The following GPKOW variants were observed in gnomAD, a reference collection of about 807,000 sequenced individuals.
The protein encoded by GPKOW is G-patch domain and KOW motifs.
For synonymous variants in GPKOW, 167 were observed against 159.1 expected (o/e 1.05, Z -0.37); for missense variants, 359 against 404.7 (o/e 0.89, Z 0.97).
chrX:49,116,360 G>A (rs1227087607), intron 6 of GPKOW, 37 bp from the exon 7 acceptor site: 4 of 883,172 alleles, frequency 4.5e-6, no homozygotes, highest in Non-Finnish European at 5.0e-6. Flanking sequence ...GCCTGTTCAA[G>A]AGGTTATGAG....
intron 9 of GPKOW, among the ~76,000 whole-genome samples, chrX:49,114,772 A>C (rs1226584574): frequency 9.4e-6 from 1 of 106,225 alleles, no homozygotes; most frequent in Admixed American, 1.0e-4. Context: ...TAAAAATACC[A>C]AAATTAGCTG....
rs148811432 is a variant in GPKOW at position 49,116,005 on chromosome X, C to G, written c.1026G>C (p.Gly342=). 2.5e-6 allele frequency: 3 copies of G among 1,210,079 alleles called. No homozygotes were observed. The African/African-American group carries it at 5.2e-5, about 21-fold the overall frequency. The change falls in exon 8 of 11, where the codon GGG becomes GGC. Residue 342 remains glycine (G), a synonymous_variant. Coordinates refer to ENST00000156109, the MANE Select transcript of GPKOW (RefSeq NM_015698.6). The part of the protein sequence containing the change: ...KRKHLPDRQD[G]PAAKSEKAAP... ...CTGCTTTCTCACTCTTGGCTGCAGG[C>G]CCATCCTGTCTGTGGAGAAGGTGCC...
Position 49,120,661 on chromosome X carries a change from G to A in GPKOW, c.457-847C>T, listed in dbSNP as rs1332349570. Among the ~76,000 whole-genome samples the A allele has an allele frequency of 1.6e-4, 18 of 109,930 alleles. No homozygotes were observed. In the Admixed American group the frequency reaches 1.8e-3, roughly 11 times the overall value. On this transcript the variant is annotated intron_variant, in intron 3 of 10. Transcript: ENST00000156109. ...GAGAGGAATTGAGGATGACTCCAAG[G>A]TTTTCTTTTTTTTTTTTCTTGAGAT... is the stretch of plus-strand genomic sequence containing the variant.
At position 49,117,587 on chromosome X, in the gene GPKOW, G is replaced by C; in HGVS notation, c.780+10C>G. ...CTGTTTTGGGCTCCCGGGATATCTT[G>C]GTTCCTTACCTTCCCATAGAGGCCT... On this transcript the variant is annotated intron_variant, in intron 5 of 10. Coordinates refer to ENST00000156109, the MANE Select transcript of GPKOW (RefSeq NM_015698.6). 8.5e-7 allele frequency: 1 copy of C among 1,178,133 alleles called. No individual in the cohort carries two copies. Among genetic ancestry groups the C allele is most frequent in the Non-Finnish European group, 1.2e-6 (1 of 865,202 alleles).
rs1557089685 is a variant in GPKOW, at chrX:49,113,713, A to T, written c.1339T>A (p.Leu447Met). 1 of 1,208,163 alleles carries T rather than the reference A, an allele frequency of 8.3e-7. No homozygotes were observed. The highest frequency in any genetic ancestry group is 1.1e-6 in the Non-Finnish European group (1 of 893,518). Reference protein sequence around the residue: ...LSRDRARSRALVQLPRENQVV... With the variant: ...LSRDRARSRAMVQLPRENQVV... ...TGATTTTCTCTTGGCAGTTGCACCA[A>T]AGCCCGGCTCCGTGCTCTGTCCCGG... Residue 447 changes from leucine to methionine, a missense_variant, in exon 11 of 11, where the codon TTG becomes ATG. Transcript: ENST00000156109.
Position 49,119,710 on chromosome X carries a change from G to A in GPKOW, c.561C>T (p.Phe187=), listed in dbSNP as rs782050485. The A allele has an allele frequency of 1.1e-5, 13 of 1,155,792 alleles. No individual in the cohort carries two copies. The East Asian group carries it at 3.9e-4, about 35-fold the overall frequency. ...WKPGEGIGRT[F]NQVVKPRVNS... ...GACCCTATCCCAGAACTCACTGATT[G>A]AAGGTGCGGCCGATGCCCTCGCCAG... The change falls in exon 4 of 11, where the codon TTC becomes TTT. Residue 187 remains phenylalanine (F), a synonymous_variant. Coordinates refer to ENST00000156109, the MANE Select transcript of GPKOW (RefSeq NM_015698.6).
At chrX:49,121,884 T>C (rs2065214201) in intron 3 of GPKOW, among the ~76,000 whole-genome samples, 2 of 111,894 alleles carry the variant, frequency 1.8e-5, no homozygotes, top group Admixed American at 1.9e-4. Context: ...TCCCCTTGCT[T>C]CCACCTTCAC....
chrX:49,113,452 G>A lies in GPKOW; in HGVS notation c.*169C>T. 2.2e-6 allele frequency: 1 copy of A among 463,692 alleles called. No individual in the cohort carries two copies. Among genetic ancestry groups the A allele is most frequent in the Non-Finnish European group, 3.7e-6 (1 of 270,083 alleles). 38.2% of individuals were successfully genotyped at this position (463,692 alleles called of 1,213,427 possible). A position where few individuals can be genotyped will look rare whatever the true frequency, so the allele number is the denominator to read the frequency against. ...ATACCCTAAATTTTGGTAAATATTGGGTTTGTTTCTAGCTTCCCTACTGGT... is the reference window on the plus strand; with the variant it reads ...ATACCCTAAATTTTGGTAAATATTGAGTTTGTTTCTAGCTTCCCTACTGGT... On this transcript the variant is annotated 3_prime_UTR_variant, in exon 11 of 11. Coordinates refer to ENST00000156109, the MANE Select transcript of GPKOW (RefSeq NM_015698.6).
chrX:49,120,666 C>A (rs782690644), intron 3 of GPKOW, among the ~76,000 whole-genome samples: 2 of 102,871 alleles, frequency 1.9e-5, no homozygotes, highest in Admixed American at 2.1e-4. Context: ...CCAAGGTTTT[C>A]TTTTTTTTTT....
At chrX:49,117,510 C>T in intron 5 of GPKOW, 87 bp downstream of exon 5, 3 of 709,178 alleles carry the variant, frequency 4.2e-6, no homozygotes, top group Non-Finnish European at 6.6e-6. Context: ...GCCTTTCTAC[C>T]TCAAATCCAA....
At chrX:49,121,309 T>C (rs2065212246) in intron 3 of GPKOW, among the ~76,000 whole-genome samples, 1 of 110,185 alleles carries the variant, frequency 9.1e-6, no homozygotes, top group African/African-American at 3.3e-5. Context: ...GTGTCTGTAA[T>C]CCCAGCTACT....
Position 49,117,655 on chromosome X carries a change from A to G in GPKOW, c.722T>C (p.Leu241Pro). The change falls in exon 5 of 11, where the codon CTG (leucine) becomes CCG (proline). Residue 241 changes from leucine to proline, a missense_variant. Transcript: ENST00000156109. ...EKDKEDQPQGLVPGGAVVVLS... is the reference protein window; with the variant it reads ...EKDKEDQPQGPVPGGAVVVLS... ...AACCACCACAGCTCCTCCAGGCACC[A>G]GCCCTTGAGGCTGATCTTCCTTATC... is the stretch of plus-strand genomic sequence containing the variant. 8.3e-7 allele frequency: 1 copy of G among 1,210,830 alleles called. No individual in the cohort carries two copies. Among genetic ancestry groups the G allele is most frequent in the Non-Finnish European group, 1.1e-6 (1 of 894,529 alleles).
At chrX:49,116,167 G>C (rs1557090221) in intron 7 of GPKOW, 54 bp downstream of exon 7, 3 of 1,096,560 alleles carry the variant, frequency 2.7e-6, no homozygotes, top group Non-Finnish European at 3.8e-6. Flanking sequence ...CTGGCTGCTC[G>C]AGCCTACCCA....
intron 9 of GPKOW, among the ~76,000 whole-genome samples, chrX:49,114,755 T>C (rs1032133145): frequency 9.6e-6 from 1 of 104,648 alleles, no homozygotes; most frequent in Admixed American, 1.0e-4. Flanking sequence ...TGAAAACCTG[T>C]CTCTATTAAA....
chrX:49,118,347 T>C (rs1165691800), intron 4 of GPKOW, among the ~76,000 whole-genome samples: 2 of 111,846 alleles, frequency 1.8e-5, no homozygotes, highest in African/African-American at 6.5e-5. Flanking sequence ...ACATAATATC[T>C]ACAGTGAGAT....
At chrX:49,123,256 C>G (rs1250918680) in intron 1 of GPKOW, among the ~76,000 whole-genome samples, 1 of 111,575 alleles carries the variant, frequency 9.0e-6, no homozygotes, top group African/African-American at 3.3e-5. Flanking sequence ...ACTAGCAGGT[C>G]CTGTCATTTT....
chrX:49,120,594 T>C lies in GPKOW; in HGVS notation c.457-780A>G, dbSNP rs1219692731. Among the ~76,000 whole-genome samples, 3 of 110,811 alleles carry C rather than the reference T, an allele frequency of 2.7e-5. No individual in the cohort carries two copies. The East Asian group carries it at 8.4e-4, about 31-fold the overall frequency. On this transcript the variant is annotated intron_variant, in intron 3 of 10. Transcript: ENST00000156109. Reference sequence around the variant, plus strand: ...TTCTGGGTGTCATTTTGAAAAAAGATGATAGGATTGTGCTGGCATATTGTA... The same window carrying C: ...TTCTGGGTGTCATTTTGAAAAAAGACGATAGGATTGTGCTGGCATATTGTA...
rs782776441 is a variant in GPKOW at position 49,115,739 on chromosome X, G to T, written c.1197C>A (p.Gly399=). The T allele has an allele frequency of 8.3e-7, 1 of 1,206,293 alleles. No homozygotes were observed. The highest frequency in any genetic ancestry group is 1.7e-5 in the African/African-American group (1 of 57,560). Residue 399 remains glycine, a synonymous_variant, in exon 9 of 11, where the codon GGC becomes GGA. Coordinates refer to ENST00000156109, the MANE Select transcript of GPKOW (RefSeq NM_015698.6). ...GCTCAAACTCACCTTCCAGGACTCG[G>T]CCTTCATCTGTCCGACATACACAGG... The part of the protein sequence containing the change: ...PDTCVCRTDE[G]RVLEGLREDM...
intron 3 of GPKOW, among the ~76,000 whole-genome samples, chrX:49,121,509 AAG>A (rs1175092291): frequency 9.0e-6 from 1 of 111,510 alleles, no homozygotes; most frequent in Non-Finnish European, 1.9e-5. Flanking sequence ...GTTCAGTTGA[AAG>A]AGAGAGTGGT....
Sources: gnomAD v4.1 joint callset for allele counts (sites outside exome capture counted in the v4.1 genomes callset) on GRCh38, gnomAD v4.1.1 for gene constraint, MANE v1.5 for transcripts, NCBI Gene and HGNC (gene_info 2026-07-23, HGNC 2026-07-21) for gene names.